RPAP1: variants seen among roughly 807,000 people sequenced by gnomAD.
RPAP1 encodes RNA polymerase II associated protein 1.
A neutral mutation model predicts 142.4 loss-of-function variants in RPAP1; 109 were observed. That is an observed-to-expected ratio of 0.77 (90% CI 0.66 to 0.90). The LOEUF is 0.90. Ranked by LOEUF, RPAP1 falls within the 40% of genes least tolerant of loss-of-function variation. The probability of loss-of-function intolerance (pLI) is 0.00; values close to 1 mark genes in which losing one functional copy is unlikely to be tolerated. For missense variants in RPAP1, 1,546 were observed against 1,751.7 expected (o/e 0.88, Z 2.10); for synonymous variants, 704 against 738.9 (o/e 0.95, Z 0.77).
At chr15:41,536,294 G>T in intron 3 of RPAP1, 76 bp from the exon 4 acceptor site, 1 of 1,441,640 alleles carries the variant, frequency 6.9e-7, no homozygotes, top group Non-Finnish European at 9.7e-7. Flanking sequence ...TATTAGCCCA[G>T]TTCTGAACGA....
In RPAP1 at chr15:41,520,877, G is replaced by T. The variant is rs1327321582; in HGVS notation, c.3309C>A (p.Phe1103Leu). Residue 1103 changes from phenylalanine (F) to leucine (L), a missense_variant, in exon 22 of 25, where the codon TTC (phenylalanine) becomes TTA (leucine). Phe to Leu is a conservative substitution (Grantham distance 22, BLOSUM62 0). Coordinates refer to ENST00000304330, the MANE Select transcript of RPAP1 (RefSeq NM_015540.4). The part of the protein sequence containing the change: ...TEPLLPTDWP[F>L]LPLIRLYHRA... Reference sequence around the variant, plus strand: ...GGTGGTAGAGGCGAATCAGTGGCAGGAAGGGCCAGTCGGTGGGCAGCAGCG... The same window carrying T: ...GGTGGTAGAGGCGAATCAGTGGCAGTAAGGGCCAGTCGGTGGGCAGCAGCG... 1.2e-6 allele frequency: 2 copies of T among 1,613,636 alleles called. No individual in the cohort carries two copies.
chr15:41,524,799 T>C (rs530293584), intron 15 of RPAP1, among the ~76,000 whole-genome samples, 192 bp downstream of exon 15: 2 of 152,280 alleles, frequency 1.3e-5, no homozygotes, highest in Non-Finnish European at 2.9e-5. Flanking sequence ...AGAATACGGT[T>C]AAGCCAGGTT....
chr15:41,527,847 A>G lies in RPAP1; in HGVS notation c.1428+13T>C. ...ACCTCCCAGCCCAAGCCCCATTCCTATCCCTGTGGTACCTCATCTCCAGGA... is the reference window on the plus strand; with the variant it reads ...ACCTCCCAGCCCAAGCCCCATTCCTGTCCCTGTGGTACCTCATCTCCAGGA... On this transcript the variant is annotated intron_variant, in intron 11 of 24. Transcript: ENST00000304330. 1 of 1,613,938 alleles carries G rather than the reference A, an allele frequency of 6.2e-7. No individual in the cohort carries two copies. Among genetic ancestry groups the G allele is most frequent in the Non-Finnish European group, 8.5e-7 (1 of 1,179,928 alleles).
rs1160417184 is a variant in RPAP1, at chr15:41,536,121, T to C, written c.420+8A>G. On this transcript the variant is annotated splice_region_variant and intron_variant, in intron 4 of 24. Transcript: ENST00000304330. ...TCCTGAGCACCACCTAAGCTTACCC[T>C]TGCCTACCTGTGTGTCCCGCGAGCG... 3 of 1,612,574 alleles carry C rather than the reference T, an allele frequency of 1.9e-6. No individual in the cohort carries two copies. Among genetic ancestry groups the C allele is most frequent in the Non-Finnish European group, 2.5e-6 (3 of 1,178,730 alleles).
intron 13 of RPAP1, 25 bp from the exon 14 acceptor site, chr15:41,527,093 G>A (rs899256650): frequency 1.9e-6 from 3 of 1,612,292 alleles, no homozygotes; most frequent in African/African-American, 2.7e-5. Context: ...AGGTAAAAGG[G>A]AGGAAGGGAG....
chr15:41,526,774 G>T, intron 14 of RPAP1, 124 bp downstream of exon 14: 1 of 990,274 alleles, frequency 1.0e-6, no homozygotes, highest in Non-Finnish European at 1.5e-6. Context: ...GCATTTCTAA[G>T]CAACTGGATC....
chr15:41,525,296 CTTA>C (rs1263508391), intron 14 of RPAP1, 148 bp from the exon 15 acceptor site: 4 of 407,134 alleles, frequency 9.8e-6, no homozygotes, highest in African/African-American at 6.2e-5. Flanking sequence ...GCCCTTCCTT[CTTA>C]TTATTTATTT....
chr15:41,532,395 C>G (rs1424073275), intron 6 of RPAP1, among the ~76,000 whole-genome samples: 1 of 151,986 alleles, frequency 6.6e-6, no homozygotes, highest in Non-Finnish European at 1.5e-5. Context: ...AACTCTTGGC[C>G]TCAAGCAATC....
chr15:41,535,070 T>TCTGA, intron 5 of RPAP1, 135 bp from the exon 6 acceptor site: 2 of 778,156 alleles, frequency 2.6e-6, no homozygotes, highest in Non-Finnish European at 4.0e-6. Flanking sequence ...GAGACCCCAC[T>TCTGA]GGGTCTGGCA....
intron 1 of RPAP1, among the ~76,000 whole-genome samples, chr15:41,538,014 C>T (rs1595489482): frequency 6.6e-6 from 1 of 152,042 alleles, no homozygotes; most frequent in African/African-American, 2.4e-5. Flanking sequence ...GAGGCCAAGG[C>T]GTGTGGATTA....
At position 41,536,496 on chromosome 15, in the gene RPAP1, C is replaced by T. The variant is rs775708013; in HGVS notation, c.330+5G>A. 1.6e-5 allele frequency: 26 copies of T among 1,613,752 alleles called. No individual in the cohort carries two copies. The East Asian group carries it at 4.5e-4, about 28-fold the overall frequency. On this transcript the variant is annotated splice_donor_5th_base_variant and intron_variant, in intron 3 of 24. Transcript: ENST00000304330. ...CTTATCCTACTCAGCCAGAGTGAGA[C>T]GCACAATAATCTTAGTCAAGACAGC...
intron 7 of RPAP1, 69 bp from the exon 8 acceptor site, chr15:41,530,048 C>T: frequency 8.8e-7 from 1 of 1,131,514 alleles, no homozygotes; most frequent in Non-Finnish European, 1.3e-6. Flanking sequence ...TCCCCACCAT[C>T]ACCCAGCAGC....
At chr15:41,517,757 G>C (rs2051680003) in intron 24 of RPAP1, 41 bp downstream of exon 24, 1 of 1,613,956 alleles carries the variant, frequency 6.2e-7, no homozygotes, top group Non-Finnish European at 8.5e-7. Context: ...TGTCCCCCAA[G>C]ATCCTCTAAT....
chr15:41,527,379 C>T, intron 12 of RPAP1, 44 bp downstream of exon 12: 3 of 1,613,090 alleles, frequency 1.9e-6, no homozygotes, highest in Non-Finnish European at 2.5e-6. Flanking sequence ...CCAGCATGTG[C>T]TTGTCCCCTG....
Position 41,522,227 on chromosome 15 carries a change from CG to C in RPAP1, c.2765del (p.Pro922ArgfsTer66). 6.2e-7 allele frequency: 1 copy of C among 1,613,318 alleles called. No individual in the cohort carries two copies. Among genetic ancestry groups the C allele is most frequent in the East Asian group, 2.2e-5 (1 of 44,868 alleles). On this transcript the variant is annotated frameshift_variant, in exon 20 of 25. Transcript: ENST00000304330. LOFTEE classifies it high-confidence loss of function. ...ACTGGAGGAAGTAATTCTGGAGTCCCGGGGCAGCCAATATGGCAGCCAGCTG... is the reference window on the plus strand; with the variant it reads ...ACTGGAGGAAGTAATTCTGGAGTCCCGGGCAGCCAATATGGCAGCCAGCTG... ...CGQLAAILAA[P>X]GLQNYFLQCV... is the part of the protein sequence containing the mutation.
Position 41,534,829 on chromosome 15 carries a change from C to T in RPAP1, c.648G>A (p.Arg216=). The T allele has an allele frequency of 2.5e-6, 4 of 1,614,138 alleles. No individual in the cohort carries two copies. Among genetic ancestry groups the T allele is most frequent in the Non-Finnish European group, 8.5e-7 (1 of 1,180,016 alleles). ...GGGCTTCCTGCTCAGCTTCTTGATC[C>T]CTGAGCCCCTTCCCTGTGACCAGAT... ...GPNLVTGKGL[R]DQEAEQEAQT... Residue 216 remains arginine (R), a synonymous_variant, in exon 6 of 25, where the codon AGG becomes AGA. Transcript: ENST00000304330.
intron 4 of RPAP1, 89 bp downstream of exon 4, chr15:41,536,040 T>C: frequency 1.1e-6 from 1 of 919,202 alleles, no homozygotes. Context: ...AAATTGCTTA[T>C]CATCATTAAA....
chr15:41,537,133 C>T lies in RPAP1; in HGVS notation c.-8G>A. The T allele has an allele frequency of 6.2e-7, 1 of 1,612,192 alleles. No homozygotes were observed. Among genetic ancestry groups the T allele is most frequent in the Non-Finnish European group, 8.5e-7 (1 of 1,179,186 alleles). Reference sequence around the variant, plus strand: ...CTTCGGTCTCGACAGCATCTTGCTGCTCCAGCTGCCTCCCCAGTACGACTC... The same window carrying T: ...CTTCGGTCTCGACAGCATCTTGCTGTTCCAGCTGCCTCCCCAGTACGACTC... On this transcript the variant is annotated 5_prime_UTR_variant, in exon 2 of 25. Transcript: ENST00000304330.
intron 20 of RPAP1, 88 bp from the exon 21 acceptor site, chr15:41,521,968 AGGGCAGAGGTC>A: frequency 1.3e-6 from 2 of 1,565,942 alleles, no homozygotes; most frequent in Non-Finnish European, 1.7e-6. Flanking sequence ...GTGAGGCTGA[AGGGCAGAGGTC>A]CAGGGCATGT....
Sources: allele counts gnomAD v4.1 joint callset (sites outside exome capture counted in the v4.1 genomes callset), GRCh38; gene constraint gnomAD v4.1.1; transcripts MANE v1.5; gene names NCBI Gene and HGNC (gene_info 2026-07-23, HGNC 2026-07-21).